The following VPS35L variants were observed in gnomAD, a reference collection of about 807,000 sequenced individuals.
VPS35L encodes the protein VPS35 endosomal protein-sorting factor-like.
A neutral mutation model predicts 133.0 loss-of-function variants in VPS35L; 83 were observed. That is an observed-to-expected ratio of 0.62 (90% CI 0.52 to 0.75). The LOEUF is 0.75. Among genes scored for constraint, VPS35L ranks in the 30% least tolerant of loss-of-function variants. VPS35L has a pLI of 0.00. For missense variants in VPS35L, 1,083 were observed against 1,206.8 expected, an observed-to-expected ratio of 0.90 and a Z score of 1.52; for synonymous variants, 423 against 449.9, an observed-to-expected ratio of 0.94 and a Z score of 0.76.
chr16:19,698,797 C>A (rs572412624), intron 29 of VPS35L, among the ~76,000 whole-genome samples: 1 of 152,076 alleles, frequency 6.6e-6, no homozygotes, highest in Non-Finnish European at 1.5e-5. Context: ...TTTCCAGGGG[C>A]CTTCGTTTAC....
At chr16:19,594,677 G>GAAA (rs893471358) in intron 8 of VPS35L, among the ~76,000 whole-genome samples, 1 of 110,586 alleles carries the variant, frequency 9.0e-6, no homozygotes. Context: ...AAAAAGAAGA[G>GAAA]AAAAAAAATC....
intron 12 of VPS35L, among the ~76,000 whole-genome samples, chr16:19,612,232 C>CG (rs1972746557): frequency 6.6e-6 from 1 of 151,238 alleles, no homozygotes; most frequent in Non-Finnish European, 1.5e-5. Flanking sequence ...CCACTGCACC[C>CG]GGCCTTTTTT....
chr16:19,691,652 G>A (rs888465509), intron 29 of VPS35L, among the ~76,000 whole-genome samples, 181 bp downstream of exon 29: 2 of 152,048 alleles, frequency 1.3e-5, no homozygotes, highest in South Asian at 2.1e-4. Flanking sequence ...CCTGGACTGC[G>A]CCTCCCCCAG....
chr16:19,648,174 A>T (rs1027440986), intron 24 of VPS35L, among the ~76,000 whole-genome samples: 4 of 152,056 alleles, frequency 2.6e-5, no homozygotes, highest in Admixed American at 2.6e-4. Flanking sequence ...TGTGTTGCCC[A>T]GGCTGGTCTC....
rs1221764557 is a variant in VPS35L at position 19,573,126 on chromosome 16, C to T, written c.293C>T (p.Ser98Phe). Reference sequence around the variant, plus strand: ...TATCTTGCCTTTCTTTAGGACAGCTCCAGAAGGAAACGTGATAGAGATGAT... The same window carrying T: ...TATCTTGCCTTTCTTTAGGACAGCTTCAGAAGGAAACGTGATAGAGATGAT... ...PAALAAAMDS[S>F]RRKRDRDDNS... is the part of the protein sequence containing the mutation. Residue 98 changes from serine (S) to phenylalanine (F), a missense_variant, in exon 4 of 31, where the codon TCC becomes TTC. By Grantham distance (155) the Ser-to-Phe change is radical. Transcript: ENST00000417362. 1.9e-6 allele frequency: 3 copies of T among 1,613,302 alleles called. No homozygotes were observed. In the Admixed American group the frequency reaches 5.0e-5, roughly 27 times the overall value.
intron 14 of VPS35L, among the ~76,000 whole-genome samples, chr16:19,618,436 G>A (rs1032160132): frequency 8.5e-5 from 13 of 152,184 alleles, no homozygotes; most frequent in African/African-American, 3.1e-4. Flanking sequence ...TGCATTCAGT[G>A]GGGTGTTAAT....
intron 27 of VPS35L, among the ~76,000 whole-genome samples, chr16:19,674,632 A>G (rs142829349): frequency 1.3e-5 from 2 of 152,290 alleles, no homozygotes; most frequent in African/African-American, 4.8e-5. Context: ...ACAATACATT[A>G]CTATTGACAT....
At chr16:19,686,924 C>T (rs1975481758) in intron 28 of VPS35L, among the ~76,000 whole-genome samples, 1 of 152,110 alleles carries the variant, frequency 6.6e-6, no homozygotes, top group Non-Finnish European at 1.5e-5. Context: ...TTCCTTGAGA[C>T]TGGGAGGCGG....
chr16:19,663,573 A>T (rs2151599061), intron 26 of VPS35L, among the ~76,000 whole-genome samples: 1 of 114,634 alleles, frequency 8.7e-6, no homozygotes, highest in South Asian at 3.2e-4. Flanking sequence ...TATGTCATAG[A>T]TGTCTTTATA....
intron 9 of VPS35L, among the ~76,000 whole-genome samples, chr16:19,606,413 C>T (rs915081786): frequency 6.6e-6 from 1 of 152,198 alleles, no homozygotes; most frequent in African/African-American, 2.4e-5. Flanking sequence ...AAAAAAGTTA[C>T]TTCATGTGTA....
chr16:19,655,406 T>C (rs1974264214), intron 26 of VPS35L, among the ~76,000 whole-genome samples: 1 of 152,252 alleles, frequency 6.6e-6, no homozygotes, highest in Admixed American at 6.5e-5. Context: ...ATGAAGCTCA[T>C]GGAAATGCGC....
intron 26 of VPS35L, among the ~76,000 whole-genome samples, chr16:19,654,117 C>T (rs1338728429): frequency 6.6e-6 from 1 of 152,126 alleles, no homozygotes; most frequent in Non-Finnish European, 1.5e-5. Context: ...CTACAATGAT[C>T]TTTCCCCAGA....
rs1971140306 is a variant in VPS35L, at chr16:19,564,926, CT to C, written c.94del (p.Tyr32IlefsTer4). The C allele has an allele frequency of 6.2e-7, 1 of 1,611,874 alleles. No homozygotes were observed. Among genetic ancestry groups the C allele is most frequent in the Admixed American group, 1.7e-5 (1 of 59,982 alleles). ...LEAVPLEFGD[Y>X]HPLKPITVTE... ...AGGCTGTACCATTGGAGTTTGGGGACTATCACCCTCTGAAACCCATAACTGT... is the reference window on the plus strand; with the variant it reads ...AGGCTGTACCATTGGAGTTTGGGGACATCACCCTCTGAAACCCATAACTGT... On this transcript the variant is annotated frameshift_variant, in exon 2 of 31. Coordinates refer to ENST00000417362, the MANE Select transcript of VPS35L (RefSeq NM_020314.7). LOFTEE classifies it high-confidence loss of function.
chr16:19,637,807 A>G (rs1266382545), intron 20 of VPS35L, 151 bp downstream of exon 20: 1 of 497,626 alleles, frequency 2.0e-6, no homozygotes, highest in Non-Finnish European at 3.5e-6. Context: ...TTAAGTATTT[A>G]TGTCCTAATA....
chr16:19,670,547 T>A (rs1261966613), intron 27 of VPS35L, among the ~76,000 whole-genome samples: 1 of 152,216 alleles, frequency 6.6e-6, no homozygotes, highest in Non-Finnish European at 1.5e-5. Context: ...CATAGTAAAC[T>A]TTCTAGAAAG....
At chr16:19,650,321 A>T in intron 24 of VPS35L, 61 bp from the exon 25 acceptor site, 1 of 1,305,560 alleles carries the variant, frequency 7.7e-7, no homozygotes, top group Admixed American at 1.7e-5. Context: ...ATCTCTATGG[A>T]AGACACTCAT....
At chr16:19,570,877 A>ATTTT (rs1567388802) in intron 3 of VPS35L, among the ~76,000 whole-genome samples, 9 of 53,730 alleles carry the variant, frequency 1.7e-4, no homozygotes, top group African/African-American at 8.8e-4. Context: ...ATATATATAT[A>ATTTT]TATATATATA....
At chr16:19,654,131 T>C (rs1451643747) in intron 26 of VPS35L, among the ~76,000 whole-genome samples, 2 of 152,202 alleles carry the variant, frequency 1.3e-5, no homozygotes, top group Non-Finnish European at 2.9e-5. Context: ...CCCCAGATAG[T>C]TGTATTTTTT....
chr16:19,674,956 T>TTA (rs111466073), intron 27 of VPS35L, among the ~76,000 whole-genome samples: 1 of 81,334 alleles, frequency 1.2e-5, no homozygotes, highest in Non-Finnish European at 2.9e-5. Context: ...CTTTTCTTTC[T>TTA]TTTTTTTTTT....
Sources: allele counts gnomAD v4.1 joint callset (sites outside exome capture counted in the v4.1 genomes callset), GRCh38; gene constraint gnomAD v4.1.1; transcripts MANE v1.5; gene names NCBI Gene and HGNC (gene_info 2026-07-23, HGNC 2026-07-21).